TMEM63B: variants seen among roughly 807,000 people sequenced by gnomAD.
TMEM63B encodes the protein transmembrane protein 63B.
A neutral mutation model predicts 102.6 loss-of-function variants in TMEM63B; 23 were observed. The ratio of observed to expected loss-of-function variants is 0.22; its 90% CI spans 0.16 to 0.32. TMEM63B has a LOEUF of 0.32. Among genes scored for constraint, TMEM63B ranks in the 10% least tolerant of loss-of-function variants. The pLI, the probability that TMEM63B is intolerant of heterozygous loss-of-function variation, is 1.00. For missense variants in TMEM63B, 628 were observed against 1,095.9 expected, an observed-to-expected ratio of 0.57 and a Z score of 6.03; for synonymous variants, 444 against 437.0, an observed-to-expected ratio of 1.02 and a Z score of -0.20.
rs367697972 is a variant in TMEM63B at position 44,150,015 on chromosome 6, A to C, written c.1520+50A>C. 4 of 1,554,324 alleles carry C rather than the reference A, an allele frequency of 2.6e-6. No homozygotes were observed. In the African/African-American group the frequency reaches 4.1e-5, roughly 16 times the overall value. On this transcript the variant is annotated intron_variant, in intron 16 of 23. Transcript: ENST00000323267. The surrounding 1 kb of genome is among the most constrained non-coding windows in gnomAD (Gnocchi z 4.7). ...ACCTCGCTGTGGCCTGCCCTCAATG[A>C]CCCATCCTCTCTGGGCAGCACTTTG...
At chr6:44,129,003 T>TA (rs1341296886) in intron 1 of TMEM63B, among the ~76,000 whole-genome samples, 1 of 152,222 alleles carries the variant, frequency 6.6e-6, no homozygotes, top group African/African-American at 2.4e-5. Flanking sequence ...AGCAGAGTCT[T>TA]AGAGACCTGC....
intron 20 of TMEM63B, among the ~76,000 whole-genome samples, chr6:44,153,015 TCA>T (rs1227536396): frequency 2.0e-5 from 3 of 152,154 alleles, no homozygotes; most frequent in South Asian, 2.1e-4. Flanking sequence ...GCTGACATGT[TCA>T]CACACACACT....
intron 22 of TMEM63B, 60 bp downstream of exon 22, chr6:44,154,248 G>A (rs1053858152): frequency 6.2e-7 from 1 of 1,601,314 alleles, no homozygotes; most frequent in Non-Finnish European, 8.6e-7. Flanking sequence ...GAGGAATGCA[G>A]AGGGCCACAG....
intron 15 of TMEM63B, 77 bp from the exon 16 acceptor site, chr6:44,149,782 G>T: frequency 8.5e-7 from 1 of 1,175,054 alleles, no homozygotes; most frequent in Non-Finnish European, 1.2e-6. Context: ...GGGCCCAGCT[G>T]GGGAGGAGGC....
intron 15 of TMEM63B, chr6:44,149,181 G>A: frequency 3.4e-6 from 2 of 594,400 alleles, no homozygotes; most frequent in East Asian, 5.8e-5. Flanking sequence ...AAGAGAGAGA[G>A]CCTGCATTTA....
chr6:44,151,415 A>G (rs183148305), intron 18 of TMEM63B, among the ~76,000 whole-genome samples: 11 of 152,016 alleles, frequency 7.2e-5, no homozygotes, highest in African/African-American at 2.4e-4. Flanking sequence ...TGTTGCGGGA[A>G]GGGTCTCAAA....
chr6:44,135,237 G>A (rs1370326563), intron 3 of TMEM63B, 91 bp from the exon 4 acceptor site: 5 of 1,566,812 alleles, frequency 3.2e-6, no homozygotes, highest in Non-Finnish European at 4.4e-6. Flanking sequence ...GGGCATGGGG[G>A]CATGAGGGCC....
intron 5 of TMEM63B, among the ~76,000 whole-genome samples, chr6:44,136,794 C>T (rs188957016): frequency 5.3e-5 from 8 of 152,374 alleles, no homozygotes; most frequent in Non-Finnish European, 1.0e-4. Flanking sequence ...CGCCTGTAAT[C>T]CCAGCACTTT....
rs758387051 is a variant in TMEM63B at position 44,140,481 on chromosome 6, T to C, written c.711+121T>C. On this transcript the variant is annotated intron_variant, in intron 9 of 23. Coordinates refer to ENST00000323267, the MANE Select transcript of TMEM63B (RefSeq NM_018426.3). ...TAGGTTTGAATGCTGGCACAGCAGC[T>C]CAGGAGCTCCCATCCTGCAAGTTAC... 81 of 780,506 alleles carry C rather than the reference T, an allele frequency of 1.0e-4. No individual in the cohort carries two copies. In the African/African-American group the frequency reaches 1.3e-3, roughly 13 times the overall value. 48.3% of individuals were successfully genotyped at this position (780,506 alleles called of 1,614,324 possible).
At chr6:44,143,706 G>A (rs1764771554) in intron 10 of TMEM63B, among the ~76,000 whole-genome samples, 1 of 152,034 alleles carries the variant, frequency 6.6e-6, no homozygotes, top group Non-Finnish European at 1.5e-5. Flanking sequence ...AGTGGGGAGG[G>A]GTGGACAGGG....
Position 44,147,357 on chromosome 6 carries a change from C to T in TMEM63B, c.864-20C>T, listed in dbSNP as rs778803409. On this transcript the variant is annotated intron_variant, in intron 11 of 23. Coordinates refer to ENST00000323267, the MANE Select transcript of TMEM63B (RefSeq NM_018426.3). ...AGCCCCAGCCCCAGATGTAGGTGAC[C>T]AGGCATCTGGGTCCCACAGGAAGAA... 1 of 1,613,952 alleles carries T rather than the reference C, an allele frequency of 6.2e-7. No homozygotes were observed. The highest frequency in any genetic ancestry group is 1.3e-5 in the African/African-American group (1 of 74,890).
Position 44,155,037 on chromosome 6 carries a change from C to CT in TMEM63B, c.*154_*155insT, listed in dbSNP as rs969778286. 5.5e-6 allele frequency: 4 copies of CT among 724,854 alleles called. No individual in the cohort carries two copies. 44.9% of individuals were successfully genotyped at this position (724,854 alleles called of 1,614,324 possible). A position where few individuals can be genotyped will look rare whatever the true frequency, so the allele number is the denominator to read the frequency against. On this transcript the variant is annotated 3_prime_UTR_variant, in exon 24 of 24. Transcript: ENST00000323267. ...TAAACTTGGGGGTTTCACTGCTCTCCCCCATGATGGAGGGAGGGAGCCCCC... is the reference window on the plus strand; with the variant it reads ...TAAACTTGGGGGTTTCACTGCTCTCCTCCCATGATGGAGGGAGGGAGCCCCC...
At chr6:44,142,316 C>T (rs1415506012) in intron 10 of TMEM63B, among the ~76,000 whole-genome samples, 1 of 151,130 alleles carries the variant, frequency 6.6e-6, no homozygotes, top group Non-Finnish European at 1.5e-5. Flanking sequence ...TTGAGACCAG[C>T]CTGGCCAATA....
intron 1 of TMEM63B, among the ~76,000 whole-genome samples, chr6:44,129,090 A>G (rs1391739584): frequency 6.6e-6 from 1 of 152,236 alleles, no homozygotes; most frequent in African/African-American, 2.4e-5. Context: ...CTCAGTTTTC[A>G]TTAAAAAGTG....
chr6:44,140,357 T>G lies in TMEM63B; in HGVS notation c.708T>G (p.Asp236Glu). The change falls in exon 9 of 24, where the codon GAT becomes GAG. Residue 236 changes from aspartate (D) to glutamate (E), a missense_variant. Physicochemically the swap from Asp to Glu is conservative, Grantham distance 45 (BLOSUM62 2). This residue lies in a region of TMEM63B where 336 missense variants were observed against 580.3 expected (regional missense o/e 0.58). Coordinates refer to ENST00000323267, the MANE Select transcript of TMEM63B (RefSeq NM_018426.3). ...HTSKMRYKEDDLVKRTLFING... is the reference protein window; with the variant it reads ...HTSKMRYKEDELVKRTLFING... ...CCAAGATGCGCTACAAGGAGGATGA[T>G]CTGGTGCGTGGAGCAGAGCCCAGGT... is the stretch of plus-strand genomic sequence containing the variant. 6.2e-7 allele frequency: 1 copy of G among 1,613,352 alleles called. No homozygotes were observed. Among genetic ancestry groups the G allele is most frequent in the Non-Finnish European group, 8.5e-7 (1 of 1,179,478 alleles).
rs1765863850 is a variant in TMEM63B at position 44,148,379 on chromosome 6, C to G, written c.1115C>G (p.Thr372Ser). The G allele has an allele frequency of 6.2e-7, 1 of 1,614,144 alleles. No homozygotes were observed. ...AFVTFHNETI[T>S]AIILKDFNVC... is the part of the protein sequence containing the mutation. Reference sequence around the variant, plus strand: ...GTCACCTTCCACAATGAGACTATCACCGCCATGTGAGTCCCCAACTCGGCC... The same window carrying G: ...GTCACCTTCCACAATGAGACTATCAGCGCCATGTGAGTCCCCAACTCGGCC... The change falls in exon 13 of 24, where the codon ACC (threonine) becomes AGC (serine). Residue 372 changes from threonine to serine, a missense_variant. Coordinates refer to ENST00000323267, the MANE Select transcript of TMEM63B (RefSeq NM_018426.3). The surrounding 1 kb of genome is among the most constrained non-coding windows in gnomAD (Gnocchi z 5.1).
At chr6:44,133,383 T>C (rs1431815788) in intron 1 of TMEM63B, among the ~76,000 whole-genome samples, 4 of 152,104 alleles carry the variant, frequency 2.6e-5, no homozygotes, top group Admixed American at 2.0e-4. Context: ...GCAGTCACTG[T>C]TTCTAGTTTT....
chr6:44,149,793 A>C, intron 15 of TMEM63B, 66 bp from the exon 16 acceptor site: 1 of 1,320,714 alleles, frequency 7.6e-7, no homozygotes. Context: ...GGGAGGAGGC[A>C]CATAAGCAAA....
intron 5 of TMEM63B, among the ~76,000 whole-genome samples, chr6:44,138,141 G>C (rs1479679922): frequency 6.6e-6 from 1 of 152,192 alleles, no homozygotes; most frequent in African/African-American, 2.4e-5. Context: ...TTATTAGCCG[G>C]AGGTCTGGAG....
Sources: gnomAD v4.1 joint callset for allele counts (sites outside exome capture counted in the v4.1 genomes callset) on GRCh38, gnomAD v4.1.1 for gene constraint, gnomAD v4.1.1 regional missense constraint, Gnocchi (gnomAD v3.1) non-coding constraint, MANE v1.5 for transcripts, NCBI Gene and HGNC (gene_info 2026-07-23, HGNC 2026-07-21) for gene names.